Variants in OR51B5 observed in about 807,000 individuals in gnomAD.
The protein encoded by OR51B5 is olfactory receptor family 51 subfamily B member 5, also known as olfactory receptor 51B5.
For missense variants in OR51B5, 456 were observed against 374.6 expected, an observed-to-expected ratio of 1.22 and a Z score of -1.79; for synonymous variants, 186 against 144.8, an observed-to-expected ratio of 1.28 and a Z score of -2.04.
At chr11:5,362,981 GAAAT>G (rs1254042421) in intron 1 of OR51B5, 1 of 133,194 alleles carries the variant, frequency 7.5e-6, no homozygotes, top group African/African-American at 2.9e-5. Flanking sequence ...AAAAAAAAAA[GAAAT>G]AATAGAAGTT....
chr11:5,437,697 T>C (rs1211619620), intron 1 of OR51B5, among the ~76,000 whole-genome samples: 4 of 152,214 alleles, frequency 2.6e-5, no homozygotes, highest in African/African-American at 9.6e-5. Context: ...CATAGGTTTG[T>C]TTCTTTTTAT....
At chr11:5,351,716 G>C (rs917484033) in intron 1 of OR51B5, 30 of 1,613,874 alleles carry the variant, frequency 1.9e-5, no homozygotes, top group Non-Finnish European at 2.5e-5. Flanking sequence ...ACAGACCTCG[G>C]AGTGACATTG....
At chr11:5,413,627 G>A (rs1488412855) in intron 1 of OR51B5, among the ~76,000 whole-genome samples, 9 of 152,328 alleles carry the variant, frequency 5.9e-5, no homozygotes, top group African/African-American at 2.2e-4. Context: ...CGAGAACGAT[G>A]TGAAGAATGC....
chr11:5,390,000 G>A (rs1408217904), intron 1 of OR51B5: 2 of 1,613,036 alleles, frequency 1.2e-6, no homozygotes, highest in East Asian at 4.5e-5. Context: ...CAGCTGGCCT[G>A]CACAGATATC....
rs532853143 is a variant in OR51B5, at chr11:5,365,309, T to G, written n.85-18399A>C. On this transcript the variant is annotated intron_variant and non_coding_transcript_variant, in intron 1 of 4. Coordinates refer to the OR51B5 transcript ENST00000415970. ...GAATACCACTGGTGTTTGCCAGCTG[T>G]GGAAAACATGGGTATAGAGCATACA... Among the ~76,000 whole-genome samples the G allele has an allele frequency of 5.9e-4, 90 of 152,236 alleles. 1 individual carries two copies. The highest frequency in any genetic ancestry group is 4.3e-3 in the South Asian group (21 of 4,828).
At chr11:5,366,524 G>A (rs954746176) in intron 1 of OR51B5, among the ~76,000 whole-genome samples, 2 of 152,020 alleles carry the variant, frequency 1.3e-5, no homozygotes, top group Non-Finnish European at 2.9e-5. Context: ...TAGGAGAATC[G>A]CTTGAACCTG....
At chr11:5,403,303 G>A (rs921075250) in intron 1 of OR51B5, 6 of 471,532 alleles carry the variant, frequency 1.3e-5, no homozygotes, top group African/African-American at 8.0e-5. Context: ...GGAGAAGGGA[G>A]GAAGAAGGCA....
At chr11:5,389,881 C>T (rs765914872) in intron 1 of OR51B5, 21 of 1,613,166 alleles carry the variant, frequency 1.3e-5, no homozygotes, top group Non-Finnish European at 1.6e-5. Context: ...TAATTGTCAT[C>T]TTCCGGGGAC....
At chr11:5,453,604 T>A in intron 1 of OR51B5, 1 of 1,613,734 alleles carries the variant, frequency 6.2e-7, no homozygotes, top group Non-Finnish European at 8.5e-7. Flanking sequence ...GCTGTGGCCC[T>A]TGGGGGAAAT....
At chr11:5,343,222 A>G (rs1848929881) in exon 1 of OR51B5, 1 of 1,613,834 alleles carries the variant, frequency 6.2e-7, no homozygotes, top group African/African-American at 1.3e-5. Flanking sequence ...GTGAGTGTAT[A>G]AAGTAGGCCT....
chr11:5,378,713 G>C (rs1849565985), intron 1 of OR51B5, among the ~76,000 whole-genome samples: 1 of 152,290 alleles, frequency 6.6e-6, no homozygotes, highest in East Asian at 1.9e-4. Flanking sequence ...ATGAAAAAAT[G>C]CTCATCATCA....
intron 1 of OR51B5, chr11:5,453,502 A>G (rs756690972): frequency 7.1e-6 from 11 of 1,553,662 alleles, no homozygotes; most frequent in South Asian, 2.5e-5. Flanking sequence ...GGGTTGTTCA[A>G]TGTCACTCAC....
intron 1 of OR51B5, among the ~76,000 whole-genome samples, chr11:5,406,781 A>G (rs1218893766): frequency 6.6e-6 from 1 of 152,174 alleles, no homozygotes. Context: ...AGGGAAGCCT[A>G]GAGAAGTGAG....
intron 1 of OR51B5, among the ~76,000 whole-genome samples, chr11:5,458,014 G>A (rs1213901634): frequency 6.6e-6 from 1 of 152,148 alleles, no homozygotes; most frequent in Non-Finnish European, 1.5e-5. Context: ...GGCTTTTGGA[G>A]ATTTCATCAT....
rs548661221 is a variant in OR51B5, at chr11:5,359,449, C to A, written n.85-12539G>T. Among the ~76,000 whole-genome samples the A allele has an allele frequency of 1.7e-4, 21 of 125,378 alleles. 3 individuals are homozygous for A. Among genetic ancestry groups the A allele is most frequent in the African/African-American group, 5.9e-4 (20 of 33,980 alleles). The allele number at this position is 125,378 out of a possible 152,430, so 82.3% of individuals were successfully genotyped here. A position where few individuals can be genotyped will look rare whatever the true frequency, so the allele number is the denominator to read the frequency against. ...TCCAACTTACAAGAGAGGTGAAGGA[C>A]CTCTTCAAGGAGAACTACAAACCAC... On this transcript the variant is annotated intron_variant and non_coding_transcript_variant, in intron 1 of 4. Coordinates refer to the OR51B5 transcript ENST00000415970.
In OR51B5 at chr11:5,488,592, A is replaced by G; in HGVS notation, n.84+16977T>C. Reference sequence around the variant, plus strand: ...AGTGAAAAACAAATTTTTTTAGTCTAAAAAAGATTATTTCACAGAAAGATC... The same window carrying G: ...AGTGAAAAACAAATTTTTTTAGTCTGAAAAAGATTATTTCACAGAAAGATC... On this transcript the variant is annotated intron_variant and non_coding_transcript_variant, in intron 1 of 4. Transcript: ENST00000415970. 8.2e-6 allele frequency: 7 copies of G among 857,686 alleles called. No individual in the cohort carries two copies. In the South Asian group the frequency reaches 1.3e-4, roughly 15 times the overall value. 53.1% of individuals were successfully genotyped at this position (857,686 alleles called of 1,614,324 possible). A position where few individuals can be genotyped will look rare whatever the true frequency, so the allele number is the denominator to read the frequency against.
At chr11:5,377,155 T>C (rs188478271) in intron 1 of OR51B5, among the ~76,000 whole-genome samples, 14 of 152,114 alleles carry the variant, frequency 9.2e-5, no homozygotes, top group Admixed American at 4.6e-4. Context: ...GCTGGTTCAA[T>C]ATATGCAAAT....
chr11:5,365,026 G>A (rs1336325058), intron 1 of OR51B5, among the ~76,000 whole-genome samples: 1 of 152,146 alleles, frequency 6.6e-6, no homozygotes, highest in Non-Finnish European at 1.5e-5. Flanking sequence ...TGTCATTCTT[G>A]TCACAGCAAT....
intron 1 of OR51B5, among the ~76,000 whole-genome samples, chr11:5,442,738 C>CA (rs1397964897): frequency 2.0e-4 from 31 of 152,120 alleles, no homozygotes; most frequent in African/African-American, 6.8e-4. Context: ...TACCTTCTAT[C>CA]ACTGCTCAAT....
Sources: allele counts gnomAD v4.1 joint callset (sites outside exome capture counted in the v4.1 genomes callset), GRCh38; gene constraint gnomAD v4.1.1; transcripts MANE v1.5; gene names NCBI Gene and HGNC (gene_info 2026-07-23, HGNC 2026-07-21).